MSL3B: variants seen among roughly 807,000 people sequenced by gnomAD.
MSL3B encodes the protein MSL complex subunit 3 pseudogene 1.
the MSL3B span, among the ~76,000 whole-genome samples, chr2:233,864,816 G>T: frequency 2.6e-5 from 4 of 152,132 alleles, no homozygotes; most frequent in Non-Finnish European, 5.9e-5. Context: ...CTTAGAGCAC[G>T]TCTCAATTTG....
At chr2:233,868,338 G>A in the MSL3B span, 1,626 of 180,120 alleles carry the variant, frequency 9.0e-3, 12 homozygotes, top group Non-Finnish European at 0.013. Context: ...GTAGTTAAAA[G>A]GCCTCCTCCG....
At chr2:233,868,021 C>G in the MSL3B span, 2 of 212,138 alleles carry the variant, frequency 9.4e-6, no homozygotes, top group African/African-American at 4.7e-5. Context: ...AAACTCCTGA[C>G]CTCGTGATCC....
chr2:233,866,516 G>A, the MSL3B span: 7 of 1,206,856 alleles, frequency 5.8e-6, no homozygotes, highest in African/African-American at 9.0e-5. Context: ...GCTATGCACA[G>A]GTGTCTTCTT....
the MSL3B span, chr2:233,865,679 A>C: frequency 6.5e-6 from 1 of 154,756 alleles, no homozygotes; most frequent in African/African-American, 2.4e-5. Flanking sequence ...ACTACTTTGC[A>C]GTTTTCAAGT....
the MSL3B span, chr2:233,867,055 A>G: frequency 8.2e-7 from 1 of 1,217,352 alleles, no homozygotes; most frequent in East Asian, 2.3e-5. Flanking sequence ...AATGCTTCAC[A>G]TAGGATTCCA....
the MSL3B span, chr2:233,867,262 A>G: frequency 2.3e-5 from 17 of 751,554 alleles, 1 homozygote; most frequent in Middle Eastern, 4.7e-4. Context: ...CACATTCTTC[A>G]CTTATTTTTT....
chr2:233,866,400 G>T, the MSL3B span: 2 of 1,069,180 alleles, frequency 1.9e-6, no homozygotes, highest in Non-Finnish European at 2.9e-6. Context: ...TCAGGTACGA[G>T]CTTCCAGGAG....
At chr2:233,866,286 A>T in the MSL3B span, 1 of 753,728 alleles carries the variant, frequency 1.3e-6, no homozygotes, top group Non-Finnish European at 2.5e-6. Flanking sequence ...TCAGTAAAGG[A>T]CATTTTTCCA....
At chr2:233,868,081 C>A in the MSL3B span, 1 of 288,992 alleles carries the variant, frequency 3.5e-6, no homozygotes, top group Admixed American at 3.5e-5. Context: ...AGGCACCGCA[C>A]CTGGCCAATC....
the MSL3B span, among the ~76,000 whole-genome samples, chr2:233,867,724 C>A: frequency 2.5e-4 from 38 of 151,688 alleles, no homozygotes; most frequent in Admixed American, 4.6e-4. Context: ...GTGATCCGCC[C>A]ACCTCGGCCT....
At chr2:233,865,033 T>C in the MSL3B span, among the ~76,000 whole-genome samples, 1 of 152,204 alleles carries the variant, frequency 6.6e-6, no homozygotes, top group Non-Finnish European at 1.5e-5. Context: ...CACTTTCCTA[T>C]TTGATGCTAC....
chr2:233,865,012 C>CA, the MSL3B span, among the ~76,000 whole-genome samples: 1 of 152,158 alleles, frequency 6.6e-6, no homozygotes, highest in Non-Finnish European at 1.5e-5. Flanking sequence ...GTCATTCTCT[C>CA]ACAGTATTAT....
chr2:233,866,994 C>T, the MSL3B span: 26 of 1,307,888 alleles, frequency 2.0e-5, no homozygotes, highest in African/African-American at 2.9e-5. Context: ...TGTGGCATAG[C>T]GTGATGGTGA....
chr2:233,867,391 C>T, the MSL3B span: 7 of 536,000 alleles, frequency 1.3e-5, no homozygotes, highest in South Asian at 1.1e-4. Flanking sequence ...CAACCTGGAG[C>T]GGCTGCTTCT....
chr2:233,866,922 C>G, the MSL3B span: 1 of 1,482,784 alleles, frequency 6.7e-7, no homozygotes, highest in Non-Finnish European at 9.4e-7. Flanking sequence ...AATCCATCCA[C>G]CATCTCCTTA....
the MSL3B span, chr2:233,868,362 T>A: frequency 1.2e-5 from 2 of 161,218 alleles, no homozygotes; most frequent in South Asian, 1.5e-4. Context: ...GCGGCTTGCG[T>A]CCGCGTCCCG....
chr2:233,866,231 C>T, the MSL3B span: 1 of 693,332 alleles, frequency 1.4e-6, no homozygotes, highest in Admixed American at 1.8e-5. Context: ...TGCTAAAAAC[C>T]TCACAAAGAG....
chr2:233,867,604 T>C, the MSL3B span, among the ~76,000 whole-genome samples: 55 of 150,504 alleles, frequency 3.7e-4, no homozygotes, highest in African/African-American at 1.3e-3. Flanking sequence ...GCCTCCAGAG[T>C]AGCTGGGATT....
At chr2:233,864,754 T>TA in the MSL3B span, among the ~76,000 whole-genome samples, 1 of 152,228 alleles carries the variant, frequency 6.6e-6, no homozygotes, top group Non-Finnish European at 1.5e-5. Context: ...TGAGATATGT[T>TA]ACATTTATTT....
Sources: allele counts gnomAD v4.1 joint callset (sites outside exome capture counted in the v4.1 genomes callset), GRCh38; gene constraint gnomAD v4.1.1; transcripts MANE v1.5; gene names NCBI Gene and HGNC (gene_info 2026-07-23, HGNC 2026-07-21).